PTK2: variants seen among roughly 807,000 people sequenced by gnomAD.
The protein encoded by PTK2 is focal adhesion kinase 1.
A neutral mutation model predicts 150.1 loss-of-function variants in PTK2; 45 were observed. The ratio of observed to expected loss-of-function variants is 0.30; its 90% CI spans 0.24 to 0.38. The LOEUF is 0.38. Ranked by LOEUF, PTK2 falls within the 10% of genes least tolerant of loss-of-function variation. The probability of loss-of-function intolerance (pLI) is 1.00; values close to 1 mark genes in which losing one functional copy is unlikely to be tolerated. For missense variants in PTK2, 919 were observed against 1,307.3 expected (o/e 0.70, Z 4.58); for synonymous variants, 432 against 449.2 (o/e 0.96, Z 0.48).
At chr8:141,000,328 A>G (rs899967790) in intron 1 of PTK2, among the ~76,000 whole-genome samples, 29 of 152,264 alleles carry the variant, frequency 1.9e-4, no homozygotes, top group African/African-American at 6.7e-4. Context: ...GGCTCTACCA[A>G]ACTTGAGGGT....
chr8:140,674,134 G>T, intron 29 of PTK2, 164 bp downstream of exon 32: 1 of 783,650 alleles, frequency 1.3e-6, no homozygotes, highest in South Asian at 1.3e-5. Flanking sequence ...TCTCAGAGGG[G>T]TTCAGAACCA....
At chr8:140,658,794 G>GA (rs1170400704) in exon 32 of PTK2, 14 of 224,888 alleles carry the variant, frequency 6.2e-5, no homozygotes, top group Non-Finnish European at 1.1e-4. Flanking sequence ...ATTATTCTGT[G>GA]AAAAAAGACA....
At chr8:140,692,414 C>T (rs1439831769) in intron 26 of PTK2, among the ~76,000 whole-genome samples, 1 of 152,236 alleles carries the variant, frequency 6.6e-6, no homozygotes, top group African/African-American at 2.4e-5. Flanking sequence ...GTCAGGAGTT[C>T]AAGACCAGCC....
chr8:140,874,366 T>C (rs970210993), intron 4 of PTK2, among the ~76,000 whole-genome samples: 15 of 152,314 alleles, frequency 9.8e-5, no homozygotes, highest in African/African-American at 3.6e-4. Flanking sequence ...TCAAAATTTA[T>C]ACCCAATTAT....
intron 13 of PTK2, among the ~76,000 whole-genome samples, chr8:140,793,134 G>A (rs917401074): frequency 5.9e-5 from 9 of 152,034 alleles, no homozygotes; most frequent in African/African-American, 1.9e-4. Flanking sequence ...TTATTCTTTA[G>A]CTCCCCCATA....
intron 26 of PTK2, among the ~76,000 whole-genome samples, chr8:140,700,347 T>C (rs2100029497): frequency 6.6e-6 from 1 of 151,968 alleles, no homozygotes; most frequent in Non-Finnish European, 1.5e-5. Flanking sequence ...TTTTTTTTTA[T>C]TTTTTGTAGA....
chr8:140,777,676 T>C (rs1015553228), intron 14 of PTK2, among the ~76,000 whole-genome samples: 1 of 152,218 alleles, frequency 6.6e-6, no homozygotes, highest in African/African-American at 2.4e-5. Flanking sequence ...GTGCTTTAAG[T>C]TGTTTTTCAG....
intron 22 of PTK2, chr8:140,718,244 A>G (rs1314474458): frequency 1.3e-5 from 2 of 153,610 alleles, no homozygotes; most frequent in Admixed American, 6.4e-5. Context: ...ACACAACAGT[A>G]TTTACAAGTG....
intron 7 of PTK2, among the ~76,000 whole-genome samples, chr8:140,840,728 G>A (rs750187773): frequency 1.6e-4 from 25 of 152,024 alleles, no homozygotes; most frequent in African/African-American, 1.9e-4. Flanking sequence ...CTAGGACACC[G>A]GAAATAAATA....
chr8:140,886,340 G>C (rs1312363463), intron 3 of PTK2, among the ~76,000 whole-genome samples: 2 of 152,196 alleles, frequency 1.3e-5, no homozygotes, highest in African/African-American at 4.8e-5. Context: ...TGAAGAAAGT[G>C]GACGAGGTAT....
chr8:140,844,303 T>G (rs11167001), intron 7 of PTK2, among the ~76,000 whole-genome samples: 63,783 of 151,998 alleles, frequency 0.42, 15,024 homozygotes, highest in Non-Finnish European at 0.54. Flanking sequence ...CTTATTATAC[T>G]CTTTAGAAAC....
At chr8:140,840,779 A>G (rs2100121892) in intron 7 of PTK2, among the ~76,000 whole-genome samples, 1 of 152,250 alleles carries the variant, frequency 6.6e-6, no homozygotes, top group Non-Finnish European at 1.5e-5. Context: ...TAAGAAATAC[A>G]GATGTACTAA....
At chr8:140,879,824 T>C (rs1249782797) in intron 3 of PTK2, among the ~76,000 whole-genome samples, 187 bp from the exon 4 acceptor site, 5 of 152,120 alleles carry the variant, frequency 3.3e-5, no homozygotes, top group South Asian at 2.1e-4. Context: ...ATAAATTACT[T>C]AGGAATCTTT....
At chr8:140,789,487 G>A (rs755688314) in exon 14 of PTK2, 7 of 1,613,148 alleles carry the variant, frequency 4.3e-6, no homozygotes, top group East Asian at 2.2e-5. Context: ...ACACAGAGAC[G>A]GCGTGTGTCC....
At chr8:140,770,151 G>A (rs2100074707) in intron 14 of PTK2, among the ~76,000 whole-genome samples, 1 of 152,172 alleles carries the variant, frequency 6.6e-6, no homozygotes, top group Non-Finnish European at 1.5e-5. Context: ...GACAACGAAG[G>A]TTCCCATTTA....
rs766690067 is a variant in PTK2, at chr8:140,702,676, G to A, written c.2261C>T (p.Thr754Ile). The A allele has an allele frequency of 8.7e-6, 14 of 1,613,936 alleles. 1 individual carries two copies. The highest frequency in any genetic ancestry group is 1.2e-5 in the Non-Finnish European group (14 of 1,179,920). The change falls in exon 25 of 32, where the codon ACA (threonine) becomes ATA (isoleucine). Residue 754 changes from threonine (T) to isoleucine (I), a missense_variant. Thr to Ile is a moderately conservative substitution (Grantham distance 89, BLOSUM62 -1). This residue lies in a region of PTK2 where 258 missense variants were observed against 265.4 expected (regional missense o/e 0.97). Transcript: ENST00000522684. ...TGGATAGATGCTGCCAGCCATGGCTGTGATTCCATGTGAACCAGGGTAGCC... is the reference window on the plus strand; with the variant it reads ...TGGATAGATGCTGCCAGCCATGGCTATGATTCCATGTGAACCAGGGTAGCC...
At chr8:140,794,604 CCTT>C (rs2154587308) in intron 12 of PTK2, among the ~76,000 whole-genome samples, 1 of 152,300 alleles carries the variant, frequency 6.6e-6, no homozygotes, top group Non-Finnish European at 1.5e-5. Flanking sequence ...ATCACTCTGT[CCTT>C]CTGAGAGCTT....
At chr8:140,990,847 G>A (rs1284119627) in intron 1 of PTK2, among the ~76,000 whole-genome samples, 2 of 151,902 alleles carry the variant, frequency 1.3e-5, no homozygotes, top group South Asian at 2.1e-4. Flanking sequence ...CTCTTTACGG[G>A]GCTTTCACAT....
At chr8:140,940,995 A>G (rs1159912437) in intron 1 of PTK2, among the ~76,000 whole-genome samples, 1 of 152,192 alleles carries the variant, frequency 6.6e-6, no homozygotes, top group Admixed American at 6.5e-5. Context: ...TAATTAAAAA[A>G]AAATAAATTC....
Sources: allele counts gnomAD v4.1 joint callset (sites outside exome capture counted in the v4.1 genomes callset), GRCh38; gene constraint gnomAD v4.1.1; regional missense constraint gnomAD v4.1.1; transcripts MANE v1.5; gene names NCBI Gene and HGNC (gene_info 2026-07-23, HGNC 2026-07-21).